ELOVL6: variants seen among roughly 807,000 people sequenced by gnomAD.
ELOVL6 encodes ELOVL fatty acid elongase 6.
Under a neutral mutation model 31.7 loss-of-function variants are expected in ELOVL6, and 8 were observed. The observed-to-expected ratio is 0.25, with a 90% CI of 0.15 to 0.45. The LOEUF (loss-of-function observed/expected upper bound fraction) is 0.45. ELOVL6 is among the 20% of genes least tolerant of loss of function. The pLI is 1.00. For missense variants in ELOVL6, 126 were observed against 326.4 expected, an observed-to-expected ratio of 0.39 and a Z score of 4.73; for synonymous variants, 101 against 117.7, an observed-to-expected ratio of 0.86 and a Z score of 0.92.
intron 1 of ELOVL6, among the ~76,000 whole-genome samples, chr4:110,145,156 A>T (rs1351358481): frequency 1.3e-5 from 2 of 151,790 alleles, no homozygotes; most frequent in Non-Finnish European, 2.9e-5. Flanking sequence ...AGAGAGAGAG[A>T]GTGAGAAAGA....
rs142609229 is a variant in ELOVL6, at chr4:110,074,057, T to C, written c.222-14303A>G. On this transcript the variant is annotated intron_variant, in intron 2 of 3. Transcript: ENST00000302274. ...CCTTTGTCCTTCCTGGGGTATTACA[T>C]AAATTTTCAACCAACAGAATTGCAG... Among the ~76,000 whole-genome samples the C allele has an allele frequency of 7.9e-4, 121 of 152,282 alleles. 2 individuals are homozygous for C. In the East Asian group the frequency reaches 0.019, roughly 24 times the overall value.
intron 1 of ELOVL6, among the ~76,000 whole-genome samples, chr4:110,188,945 T>A (rs1473758550): frequency 2.6e-5 from 4 of 151,374 alleles, no homozygotes; most frequent in African/African-American, 4.9e-5. Context: ...CAGGTAACCA[T>A]GTATTAACTG....
chr4:110,142,533 G>C (rs375152020), intron 1 of ELOVL6, among the ~76,000 whole-genome samples: 1 of 152,140 alleles, frequency 6.6e-6, no homozygotes, highest in Non-Finnish European at 1.5e-5. Context: ...TACTCATTTA[G>C]TTTGCCTAAG....
chr4:110,050,194 T>C lies in ELOVL6; in HGVS notation c.*1144A>G, dbSNP rs776877659. 3.3e-5 allele frequency: 5 copies of C among 152,408 alleles called. No individual in the cohort carries two copies. Among genetic ancestry groups the C allele is most frequent in the Non-Finnish European group, 5.9e-5 (4 of 68,040 alleles). 9.4% of individuals were successfully genotyped at this position (152,408 alleles called of 1,614,324 possible). On this transcript the variant is annotated 3_prime_UTR_variant, in exon 4 of 4. Coordinates refer to ENST00000302274, the MANE Select transcript of ELOVL6 (RefSeq NM_024090.3). ...AAATGCAGATGATGCAGAAACACAG[T>C]GTTCCCCCAATATTTCGAACAGCCC...
intron 2 of ELOVL6, among the ~76,000 whole-genome samples, chr4:110,075,650 T>C (rs1056788545): frequency 2.0e-5 from 3 of 152,182 alleles, no homozygotes; most frequent in African/African-American, 7.2e-5. Context: ...ACAGTTTCAG[T>C]TTTATAAGAT....
chr4:110,126,301 C>T (rs1179747420), intron 1 of ELOVL6, among the ~76,000 whole-genome samples: 1 of 152,280 alleles, frequency 6.6e-6, no homozygotes, highest in African/African-American at 2.4e-5. Context: ...CTGCCTCGGC[C>T]TCCCAAAGTG....
intron 1 of ELOVL6, among the ~76,000 whole-genome samples, chr4:110,171,479 C>T (rs538638573): frequency 7.5e-4 from 114 of 151,800 alleles, no homozygotes; most frequent in African/African-American, 2.7e-3. Flanking sequence ...TGTCCAATCA[C>T]ATTTCTGCAT....
rs200227602 is a variant in ELOVL6, at chr4:110,084,100, A to G, written c.221+21397T>C. ...GCTATATATGATATATAACATATAT[A>G]TGATATATATGATATATATAACATA... On this transcript the variant is annotated intron_variant, in intron 2 of 3. Transcript: ENST00000302274. Among the ~76,000 whole-genome samples the G allele has an allele frequency of 6.9e-3, 360 of 52,326 alleles. 54 individuals carry two copies. The highest frequency in any genetic ancestry group is 0.024 in the East Asian group (21 of 866). 34.3% of individuals were successfully genotyped at this position (52,326 alleles called of 152,430 possible).
At position 110,058,299 on chromosome 4, in the gene ELOVL6, C is replaced by T. The variant is rs528589956; in HGVS notation, c.373+1304G>A. On this transcript the variant is annotated intron_variant, in intron 3 of 3. Coordinates refer to ENST00000302274, the MANE Select transcript of ELOVL6 (RefSeq NM_024090.3). ...TTGTGTGTCTGTTGGAGGGGGGGAGCGGTGCAGGCATGCACATGCACGCGG... is the reference window on the plus strand; with the variant it reads ...TTGTGTGTCTGTTGGAGGGGGGGAGTGGTGCAGGCATGCACATGCACGCGG... Among the ~76,000 whole-genome samples the T allele has an allele frequency of 1.2e-4, 18 of 152,228 alleles. No individual in the cohort carries two copies. In the South Asian group the frequency reaches 1.7e-3, roughly 14 times the overall value.
rs182894068 is a variant in ELOVL6 at position 110,112,676 on chromosome 4, C to T, written c.90-7048G>A. The stretch of plus-strand genomic sequence containing the variant: ...TCACTTGAGATCAGGAGTTCAAGAC[C>T]AGCCTGGACAACATGGTGAAACCCC... On this transcript the variant is annotated intron_variant, in intron 1 of 3. Coordinates refer to ENST00000302274, the MANE Select transcript of ELOVL6 (RefSeq NM_024090.3). 3.1e-3 allele frequency among the ~76,000 whole-genome samples: 464 copies of T among 150,822 alleles called. 4 individuals carry two copies. The highest frequency in any genetic ancestry group is 5.7e-3 in the Non-Finnish European group (389 of 67,726).
At chr4:110,165,652 T>A (rs1453765942) in intron 1 of ELOVL6, among the ~76,000 whole-genome samples, 2 of 152,172 alleles carry the variant, frequency 1.3e-5, no homozygotes, top group Admixed American at 6.5e-5. Context: ...TCTAATCTCA[T>A]CTGAATCACA....
At chr4:110,169,013 T>G (rs992883420) in intron 1 of ELOVL6, among the ~76,000 whole-genome samples, 1 of 152,024 alleles carries the variant, frequency 6.6e-6, no homozygotes, top group Non-Finnish European at 1.5e-5. Context: ...CCAGGCTGGT[T>G]TGCAATGGCA....
chr4:110,183,001 G>T (rs147005129), intron 1 of ELOVL6, among the ~76,000 whole-genome samples: 1 of 152,158 alleles, frequency 6.6e-6, no homozygotes, highest in East Asian at 1.9e-4. Context: ...AAAGGGTCTG[G>T]GGAGTCACAC....
chr4:110,192,614 G>A (rs1202988691), intron 1 of ELOVL6, among the ~76,000 whole-genome samples: 2 of 152,078 alleles, frequency 1.3e-5, no homozygotes, highest in Non-Finnish European at 2.9e-5. Flanking sequence ...TTTGCATTAA[G>A]CTGGCTTTCA....
intron 1 of ELOVL6, among the ~76,000 whole-genome samples, chr4:110,178,320 G>A (rs889349223): frequency 6.6e-6 from 1 of 152,150 alleles, no homozygotes; most frequent in Non-Finnish European, 1.5e-5. Flanking sequence ...GGCCAAGGTG[G>A]GCGGATCTTG....
At chr4:110,061,797 C>T (rs1003678529) in intron 2 of ELOVL6, among the ~76,000 whole-genome samples, 1 of 151,970 alleles carries the variant, frequency 6.6e-6, no homozygotes, top group Non-Finnish European at 1.5e-5. Context: ...ACCTCGTGAT[C>T]CACCTGCCTC....
intron 1 of ELOVL6, among the ~76,000 whole-genome samples, chr4:110,176,192 T>C (rs541444776): frequency 1.3e-5 from 2 of 152,084 alleles, no homozygotes; most frequent in East Asian, 3.9e-4. Context: ...AGATGGAGTC[T>C]CACTCTGTTG....
chr4:110,100,534 G>A (rs965878537), intron 2 of ELOVL6, among the ~76,000 whole-genome samples: 5 of 152,008 alleles, frequency 3.3e-5, no homozygotes, highest in African/African-American at 4.8e-5. Context: ...TTCCCATAAT[G>A]TTGTCTCAGT....
At chr4:110,076,724 G>A (rs959158855) in intron 2 of ELOVL6, among the ~76,000 whole-genome samples, 6 of 152,178 alleles carry the variant, frequency 3.9e-5, no homozygotes, top group Admixed American at 2.0e-4. Flanking sequence ...ACTGGGGAGT[G>A]TTGGAAAGTG....
Sources: allele counts gnomAD v4.1 joint callset (sites outside exome capture counted in the v4.1 genomes callset), GRCh38; gene constraint gnomAD v4.1.1; transcripts MANE v1.5; gene names NCBI Gene and HGNC (gene_info 2026-07-23, HGNC 2026-07-21).